Variants in EXOSC10 observed in about 807,000 individuals in gnomAD.
EXOSC10 encodes the protein exosome complex component 10.
EXOSC10 carries 94 observed loss-of-function variants against 126.6 expected under a neutral mutation model. The observed-to-expected ratio is 0.74, with a 90% CI of 0.63 to 0.88. EXOSC10 has a LOEUF of 0.88. EXOSC10 is among the 40% of genes least tolerant of loss of function. The pLI is 0.00. For synonymous variants in EXOSC10, 395 were observed against 400.8 expected (o/e 0.99, Z 0.17); for missense variants, 1,041 against 1,100.5 (o/e 0.95, Z 0.77).
chr1:11,081,085 G>A lies in EXOSC10; in HGVS notation c.1434C>T (p.Leu478=). The stretch of plus-strand genomic sequence containing the variant: ...TGTGACTGCGGCTGAGGTGTACCTT[G>A]AGGCAGATGTCCCTGCTCCGTTGCC... The part of the protein sequence containing the change: ...VVWQRSRDIC[L]KKFIKPIFTD... Residue 478 remains leucine, a synonymous_variant, in exon 11 of 25, where the codon CTC becomes CTT. Coordinates refer to ENST00000376936, the MANE Select transcript of EXOSC10 (RefSeq NM_001001998.3). 6.2e-7 allele frequency: 1 copy of A among 1,614,140 alleles called. No individual in the cohort carries two copies. The highest frequency in any genetic ancestry group is 8.5e-7 in the Non-Finnish European group (1 of 1,180,014).
chr1:11,091,556 T>C lies in EXOSC10; in HGVS notation c.414A>G (p.Gln138=), dbSNP rs79901823. The change falls in exon 4 of 25, where the codon CAA becomes CAG. Residue 138 remains glutamine, a synonymous_variant. Transcript: ENST00000376936. ...GCAAGCCGGCAGGGAGGACAGGCTG[T>C]TGATTCTTGTTTACACCTGAGGCTT... The part of the protein sequence containing the change: ...LDEASGVNKN[Q]QPVLPAGLQV... 1.9e-6 allele frequency: 3 copies of C among 1,614,098 alleles called. No individual in the cohort carries two copies. The African/African-American group carries it at 4.0e-5, about 22-fold the overall frequency.
At chr1:11,067,947 C>G in intron 24 of EXOSC10, 61 bp downstream of exon 24, 1 of 1,481,954 alleles carries the variant, frequency 6.7e-7, no homozygotes, top group South Asian at 1.2e-5. Context: ...ACGGACCACA[C>G]CACGCAGGGC....
intron 2 of EXOSC10, 120 bp downstream of exon 2, chr1:11,097,900 T>C: frequency 9.7e-7 from 1 of 1,028,964 alleles, no homozygotes; most frequent in Non-Finnish European, 1.3e-6. Context: ...AATTTTCACA[T>C]TTTATAGCTC....
At chr1:11,095,475 A>G in intron 3 of EXOSC10, 2 of 253,184 alleles carry the variant, frequency 7.9e-6, no homozygotes, top group South Asian at 1.1e-4. Flanking sequence ...GCATTCTGGG[A>G]GGCTGAGGCG....
intron 17 of EXOSC10, 64 bp from the exon 18 acceptor site, chr1:11,074,390 C>A: frequency 8.8e-7 from 1 of 1,139,264 alleles, no homozygotes; most frequent in Non-Finnish European, 1.3e-6. Flanking sequence ...AAGATGCAAG[C>A]AAGAGAGCAA....
intron 6 of EXOSC10, among the ~76,000 whole-genome samples, chr1:11,088,630 A>G (rs1464685269): frequency 2.0e-5 from 3 of 152,228 alleles, no homozygotes; most frequent in Non-Finnish European, 4.4e-5. Flanking sequence ...CTGTATAAAA[A>G]TCCTCAACTT....
At chr1:11,080,258 G>A (rs933980907) in intron 13 of EXOSC10, among the ~76,000 whole-genome samples, 1 of 152,186 alleles carries the variant, frequency 6.6e-6, no homozygotes, top group African/African-American at 2.4e-5. Context: ...AAGGCTCAGA[G>A]ACTTAAAATA....
In EXOSC10 at chr1:11,069,580, A is replaced by T. The variant is rs1297375167; in HGVS notation, c.2467T>A (p.Ser823Thr). 6.2e-7 allele frequency: 1 copy of T among 1,613,244 alleles called. No individual in the cohort carries two copies. The highest frequency in any genetic ancestry group is 1.3e-5 in the African/African-American group (1 of 74,680). ...KEFTPYDYSQ[S>T]DFKAFAGNSK... ...TCACCAGCAAAAGCCTTGAAGTCTG[A>T]CTGGCTGTAGTCGTAAGGCGTAAAC... Residue 823 changes from serine (S) to threonine (T), a missense_variant, in exon 22 of 25, where the codon TCA (serine) becomes ACA (threonine). Ser to Thr is a moderately conservative substitution (Grantham distance 58). This residue lies in a region of EXOSC10 where 388 missense variants were observed against 415.2 expected (regional missense o/e 0.93). Coordinates refer to ENST00000376936, the MANE Select transcript of EXOSC10 (RefSeq NM_001001998.3).
At chr1:11,087,421 T>A in intron 9 of EXOSC10, 27 bp downstream of exon 9, 2 of 1,613,754 alleles carry the variant, frequency 1.2e-6, no homozygotes, top group East Asian at 4.5e-5. Flanking sequence ...TGAGCTCACA[T>A]GCATGAGTTA....
intron 6 of EXOSC10, 70 bp from the exon 7 acceptor site, chr1:11,088,268 T>G (rs111458615): frequency 4.5e-6 from 5 of 1,117,240 alleles, no homozygotes; most frequent in African/African-American, 1.6e-5. Flanking sequence ...ATAATGCCTT[T>G]TATCCAATCT....
intron 14 of EXOSC10, 140 bp from the exon 15 acceptor site, chr1:11,077,791 A>G (rs1639903560): frequency 1.5e-6 from 1 of 651,866 alleles, no homozygotes; most frequent in South Asian, 2.0e-5. Context: ...TTCACTCCTT[A>G]CAGTGCCTGG....
intron 17 of EXOSC10, 127 bp downstream of exon 17, chr1:11,076,715 C>A: frequency 1.4e-6 from 1 of 736,928 alleles, no homozygotes. Context: ...TCTCCCAGCA[C>A]TGCTGGGTTT....
intron 6 of EXOSC10, among the ~76,000 whole-genome samples, chr1:11,089,654 AAAG>A (rs1245376794): frequency 6.6e-6 from 1 of 151,272 alleles, no homozygotes; most frequent in African/African-American, 2.4e-5. Context: ...AGAAAGAAAG[AAAG>A]AAAACATGGG....
intron 22 of EXOSC10, among the ~76,000 whole-genome samples, chr1:11,069,244 T>TGA (rs1553164202): frequency 3.4e-4 from 40 of 116,824 alleles, no homozygotes; most frequent in African/African-American, 7.1e-4. Flanking sequence ...TGTGTGTGTG[T>TGA]GAGAGAGAGA....
intron 24 of EXOSC10, 136 bp from the exon 25 acceptor site, chr1:11,066,884 C>G (rs6701726): frequency 3.2e-6 from 3 of 941,634 alleles, no homozygotes; most frequent in South Asian, 2.8e-5. Context: ...GAGAACTCGG[C>G]GGCCCACCAG....
At chr1:11,067,847 T>C (rs1471293828) in intron 24 of EXOSC10, among the ~76,000 whole-genome samples, 161 bp downstream of exon 24, 3 of 152,056 alleles carry the variant, frequency 2.0e-5, no homozygotes, top group African/African-American at 4.8e-5. Context: ...CGCCCTTGTT[T>C]TCCGAGTGGC....
chr1:11,097,130 A>G (rs1343786646), intron 2 of EXOSC10, among the ~76,000 whole-genome samples: 1 of 151,826 alleles, frequency 6.6e-6, no homozygotes, highest in Non-Finnish European at 1.5e-5. Context: ...GAATCGCTTG[A>G]TCTTGGGAGG....
rs373452884 is a variant in EXOSC10 at position 11,098,553 on chromosome 1, GA to G, written c.112-398del. ...CACAGAGTTTTTGTGAGGACAGAAT[GA>G]ATAAGCTAATAAAAGCACTTAGGAC... On this transcript the variant is annotated intron_variant, in intron 1 of 24. Transcript: ENST00000376936. Among the ~76,000 whole-genome samples, 463 of 152,304 alleles carry G rather than the reference GA, an allele frequency of 3.0e-3. 4 individuals carry two copies. The highest frequency in any genetic ancestry group is 0.011 in the African/African-American group (448 of 41,574).
chr1:11,072,373 T>C (rs1639558191), intron 19 of EXOSC10: 1 of 514,198 alleles, frequency 1.9e-6, no homozygotes, highest in Non-Finnish European at 3.5e-6. Context: ...AAAGTGCTAC[T>C]GTCCTCCAGG....
Sources: gnomAD v4.1 joint callset for allele counts (sites outside exome capture counted in the v4.1 genomes callset) on GRCh38, gnomAD v4.1.1 for gene constraint, gnomAD v4.1.1 regional missense constraint, MANE v1.5 for transcripts, NCBI Gene and HGNC (gene_info 2026-07-23, HGNC 2026-07-21) for gene names.